PREP: variants seen among roughly 807,000 people sequenced by gnomAD.
PREP encodes dJ355L5.1 (prolyl endopeptidase).
A neutral mutation model predicts 87.6 loss-of-function variants in PREP; 29 were observed. The observed-to-expected ratio is 0.33, with a 90% CI of 0.25 to 0.45. The LOEUF (loss-of-function observed/expected upper bound fraction) is 0.45, where lower values mean the gene tolerates loss of function less well. PREP is among the 20% of genes least tolerant of loss of function. The pLI, the probability that PREP is intolerant of heterozygous loss-of-function variation, is 1.00. For missense variants in PREP, 695 were observed against 886.5 expected (o/e 0.78, Z 2.74); for synonymous variants, 337 against 328.6 (o/e 1.03, Z -0.28).
chr6:105,333,899 T>G (rs1218351895), intron 7 of PREP, among the ~76,000 whole-genome samples: 2 of 152,170 alleles, frequency 1.3e-5, no homozygotes, highest in Non-Finnish European at 2.9e-5. Context: ...ACAGACACTT[T>G]CACCCCCAGG....
chr6:105,280,317 T>C (rs1770053114), intron 14 of PREP, among the ~76,000 whole-genome samples: 1 of 152,154 alleles, frequency 6.6e-6, no homozygotes, highest in Non-Finnish European at 1.5e-5. Context: ...AACAAAACTT[T>C]AGAAACTAAA....
intron 12 of PREP, among the ~76,000 whole-genome samples, chr6:105,283,972 G>A (rs1200095458): frequency 6.6e-6 from 1 of 152,144 alleles, no homozygotes; most frequent in Non-Finnish European, 1.5e-5. Flanking sequence ...CCAGGATCAG[G>A]GGACCATGAG....
intron 10 of PREP, chr6:105,322,855 C>T: frequency 1.7e-6 from 2 of 1,159,528 alleles, no homozygotes; most frequent in Non-Finnish European, 2.2e-6. Context: ...GGGTAATTCA[C>T]CAAGCTATAA....
chr6:105,316,641 C>T (rs1770877201), intron 10 of PREP, among the ~76,000 whole-genome samples: 1 of 152,084 alleles, frequency 6.6e-6, no homozygotes, highest in South Asian at 2.1e-4. Context: ...GCCTGTATGA[C>T]ATAAATAAAC....
intron 1 of PREP, among the ~76,000 whole-genome samples, chr6:105,400,231 G>A (rs1338432212): frequency 6.6e-6 from 1 of 152,108 alleles, no homozygotes; most frequent in African/African-American, 2.4e-5. Flanking sequence ...TCCTCAAGAA[G>A]CTTTAAAAAT....
intron 6 of PREP, among the ~76,000 whole-genome samples, chr6:105,357,953 C>T (rs78114887): frequency 0.013 from 1,916 of 150,756 alleles, 38 homozygotes; most frequent in South Asian, 0.069. Context: ...GATATCCCAG[C>T]TAGAATAATT....
chr6:105,309,574 C>CT (rs1770718548), intron 10 of PREP, among the ~76,000 whole-genome samples: 1 of 151,788 alleles, frequency 6.6e-6, no homozygotes, highest in Non-Finnish European at 1.5e-5. Flanking sequence ...GGAAAACTAC[C>CT]TTTTTTTCTT....
At chr6:105,386,590 T>A (rs1182092704) in intron 2 of PREP, among the ~76,000 whole-genome samples, 2 of 152,152 alleles carry the variant, frequency 1.3e-5, no homozygotes, top group Admixed American at 6.5e-5. Flanking sequence ...ACAAAGATGC[T>A]ATAAACAACA....
At chr6:105,337,480 T>C (rs1411922808) in intron 7 of PREP, among the ~76,000 whole-genome samples, 1 of 152,162 alleles carries the variant, frequency 6.6e-6, no homozygotes, top group Non-Finnish European at 1.5e-5. Context: ...TCCTAGTGCC[T>C]AGGTAAAGAT....
At chr6:105,336,150 C>T (rs897757180) in intron 7 of PREP, among the ~76,000 whole-genome samples, 38 of 152,268 alleles carry the variant, frequency 2.5e-4, no homozygotes, top group African/African-American at 7.5e-4. Context: ...ATCCAAGCTA[C>T]TTGAGAGGCT....
chr6:105,308,005 T>C (rs1333982991), intron 10 of PREP, among the ~76,000 whole-genome samples: 1 of 152,162 alleles, frequency 6.6e-6, no homozygotes, highest in African/African-American at 2.4e-5. Flanking sequence ...CATCACCATC[T>C]TTAGCATCCT....
At chr6:105,296,703 C>T (rs758381058) in intron 10 of PREP, among the ~76,000 whole-genome samples, 9 of 152,180 alleles carry the variant, frequency 5.9e-5, no homozygotes, top group Non-Finnish European at 8.8e-5. Flanking sequence ...CCCTTTCAAT[C>T]CCTATATGGC....
chr6:105,387,315 C>A (rs73516047), intron 2 of PREP, among the ~76,000 whole-genome samples: 2,204 of 152,236 alleles, frequency 0.014, 61 homozygotes, highest in African/African-American at 0.05. Flanking sequence ...AATACCGTAT[C>A]TGATGCCAGC....
intron 7 of PREP, among the ~76,000 whole-genome samples, chr6:105,334,825 T>C (rs1771439376): frequency 6.6e-6 from 1 of 152,178 alleles, no homozygotes; most frequent in Non-Finnish European, 1.5e-5. Flanking sequence ...CTCCAACTCC[T>C]GGGCCCCTAA....
chr6:105,373,433 G>A lies in PREP; in HGVS notation c.531C>T (p.Ala177=), dbSNP rs747124145. Residue 177 remains alanine, a synonymous_variant, in exon 5 of 15, where the codon GCC becomes GCT. Transcript: ENST00000652536. ...ACATTCCCTTCCCATCATGGGTCCAGGCCATACAGCTGAACTTGACTCTTT... is the reference window on the plus strand; with the variant it reads ...ACATTCCCTTCCCATCATGGGTCCAAGCCATACAGCTGAACTTGACTCTTT... ...VLERVKFSCM[A]WTHDGKGMFY... is the part of the protein sequence containing the mutation. 4 of 1,614,194 alleles carry A rather than the reference G, an allele frequency of 2.5e-6. No individual in the cohort carries two copies. The highest frequency in any genetic ancestry group is 2.2e-5 in the South Asian group (2 of 91,080).
chr6:105,346,042 G>A (rs1771788154), intron 7 of PREP, among the ~76,000 whole-genome samples: 1 of 152,032 alleles, frequency 6.6e-6, no homozygotes, highest in Admixed American at 6.6e-5. Context: ...TTTGGGTCTT[G>A]TTTTTATACT....
At chr6:105,305,854 T>TGGG (rs200779354) in intron 10 of PREP, among the ~76,000 whole-genome samples, 9 of 150,790 alleles carry the variant, frequency 6.0e-5, no homozygotes, top group African/African-American at 2.2e-4. Context: ...CTTTTTTTTT[T>TGGG]GGGGGGGACA....
At chr6:105,326,392 T>C (rs376456935) in intron 9 of PREP, among the ~76,000 whole-genome samples, 1 of 152,196 alleles carries the variant, frequency 6.6e-6, no homozygotes, top group Admixed American at 6.5e-5. Flanking sequence ...GCCTGTTTTT[T>C]TCCAAATGTG....
rs186592270 is a variant in PREP at position 105,313,458 on chromosome 6, G to A, written c.1317+10207C>T. Among the ~76,000 whole-genome samples the A allele has an allele frequency of 9.2e-5, 14 of 152,276 alleles. 1 individual carries two copies. The East Asian group carries it at 1.7e-3, about 19-fold the overall frequency. ...TGCTGGCAAACTAAAATGTTGCCCC[G>A]GGGGTTTAAGAAAAGCAGGAAAAGA... On this transcript the variant is annotated intron_variant, in intron 10 of 14. Coordinates refer to ENST00000652536, the MANE Select transcript of PREP (RefSeq NM_002726.5).
Sources: allele counts gnomAD v4.1 joint callset (sites outside exome capture counted in the v4.1 genomes callset), GRCh38; gene constraint gnomAD v4.1.1; transcripts MANE v1.5; gene names NCBI Gene and HGNC (gene_info 2026-07-23, HGNC 2026-07-21).